Variants in AKR1A1 observed in about 807,000 individuals in gnomAD.
AKR1A1 encodes the protein HEL-S-165mP.
AKR1A1 carries 26 observed loss-of-function variants against 39.2 expected under a neutral mutation model. The ratio of observed to expected loss-of-function variants is 0.66; its 90% CI spans 0.49 to 0.92. AKR1A1 has a LOEUF of 0.92. AKR1A1 is among the 40% of genes least tolerant of loss of function. The pLI, the probability that AKR1A1 is intolerant of heterozygous loss-of-function variation, is 0.00. For missense variants in AKR1A1, 378 were observed against 406.5 expected, an observed-to-expected ratio of 0.93 and a Z score of 0.60; for synonymous variants, 141 against 155.5, an observed-to-expected ratio of 0.91 and a Z score of 0.69.
chr1:45,564,608 G>T (rs1035366598), intron 2 of AKR1A1, among the ~76,000 whole-genome samples: 1 of 151,252 alleles, frequency 6.6e-6, no homozygotes, highest in Non-Finnish European at 1.5e-5. Context: ...TCTTTTGCTG[G>T]CCTGTGCTCC....
chr1:45,568,178 GT>G lies in AKR1A1; in HGVS notation c.552+2del, dbSNP rs1264062551. The G allele has an allele frequency of 1.2e-6, 2 of 1,610,610 alleles. No homozygotes were observed. The highest frequency in any genetic ancestry group is 3.3e-4 in the Middle Eastern group (2 of 6,056). On this transcript the variant is annotated splice_donor_variant, in intron 5 of 8. Coordinates refer to ENST00000351829, the MANE Select transcript of AKR1A1 (RefSeq NM_153326.3). LOFTEE classifies it high-confidence loss of function. The stretch of plus-strand genomic sequence containing the variant: ...CTCCGTGCGTCCAGCTGTCTTGCAG[GT>G]AAGGACAGCAAGCAGATGAGTGGTT...
At chr1:45,569,750 G>A in intron 8 of AKR1A1, 141 bp from the exon 9 acceptor site, 1 of 700,294 alleles carries the variant, frequency 1.4e-6, no homozygotes, top group Admixed American at 2.2e-5. Context: ...GGTGTTCTCT[G>A]AGGATGGGGA....
At position 45,569,892 on chromosome 1, in the gene AKR1A1, T is replaced by A. The variant is rs1440508371; in HGVS notation, c.914T>A (p.Val305Glu). 6.2e-7 allele frequency: 1 copy of A among 1,613,294 alleles called. No individual in the cohort carries two copies. The highest frequency in any genetic ancestry group is 8.5e-7 in the Non-Finnish European group (1 of 1,179,384). Residue 305 changes from valine (V) to glutamate (E), a missense_variant and splice_region_variant, in exon 9 of 9, where the codon GTG (valine) becomes GAG (glutamate). Transcript: ENST00000351829. ...TAATCTATCTGTCTCTCTTTCCAGG[T>A]GGATGGGAAGAGAGTCCCAAGGGAT... ...NWRYIVPMLT[V>E]DGKRVPRDAG...
chr1:45,556,571 A>T (rs532728356), intron 1 of AKR1A1, among the ~76,000 whole-genome samples: 1 of 149,240 alleles, frequency 6.7e-6, no homozygotes, highest in African/African-American at 2.5e-5. Flanking sequence ...ACGGAGCAAG[A>T]CTCCGTCTTA....
rs761683770 is a variant in AKR1A1 at position 45,569,204 on chromosome 1, G to A, written c.887G>A (p.Trp296Ter). ...MKQLNALNKN[W>*]RYIVPMLTVD... ...CAGCTAAATGCCCTGAACAAAAATT[G>A]GAGATATATTGTGCCTATGCTTACG... The change falls in exon 8 of 9, where the codon TGG becomes TAG. Residue 296 changes from tryptophan (W) to a stop codon, truncating the protein, a stop_gained. Transcript: ENST00000351829. LOFTEE classifies it high-confidence loss of function. 3.1e-6 allele frequency: 5 copies of A among 1,613,984 alleles called. No homozygotes were observed. Among genetic ancestry groups the A allele is most frequent in the Admixed American group, 1.7e-5 (1 of 59,996 alleles).
At position 45,569,200 on chromosome 1, in the gene AKR1A1, A is replaced by G. The variant is rs776556687; in HGVS notation, c.883A>G (p.Asn295Asp). ...EMKQLNALNK[N>D]WRYIVPMLTV... ...GAAGCAGCTAAATGCCCTGAACAAA[A>G]ATTGGAGATATATTGTGCCTATGCT... Residue 295 changes from asparagine to aspartate, a missense_variant, in exon 8 of 9, where the codon AAT (asparagine) becomes GAT (aspartate). Coordinates refer to ENST00000351829, the MANE Select transcript of AKR1A1 (RefSeq NM_153326.3). 6.2e-7 allele frequency: 1 copy of G among 1,613,966 alleles called. No homozygotes were observed. The highest frequency in any genetic ancestry group is 1.3e-5 in the African/African-American group (1 of 74,904).
At chr1:45,563,079 A>T (rs369900540) in intron 2 of AKR1A1, among the ~76,000 whole-genome samples, 3 of 43,118 alleles carry the variant, frequency 7.0e-5, no homozygotes, top group Admixed American at 2.7e-4. Context: ...ACTGCACTCC[A>T]GCCTGGACAG....
intron 1 of AKR1A1, among the ~76,000 whole-genome samples, chr1:45,556,303 C>T (rs561768385): frequency 6.6e-6 from 1 of 152,262 alleles, no homozygotes; most frequent in East Asian, 1.9e-4. Context: ...AAGGTTTCCG[C>T]CGGGCGCGGC....
At position 45,569,457 on chromosome 1, in the gene AKR1A1, G is replaced by A. The variant is rs189142757; in HGVS notation, c.912+228G>A. Among the ~76,000 whole-genome samples the A allele has an allele frequency of 1.3e-4, 20 of 152,250 alleles. No individual in the cohort carries two copies. In the East Asian group the frequency reaches 3.5e-3, roughly 26 times the overall value. ...TCCCAGTCCTGCTTCTTGATATCTT[G>A]TAACCTAGAGCAAGTTATTAAACTT... On this transcript the variant is annotated intron_variant, in intron 8 of 8. Transcript: ENST00000351829.
intron 2 of AKR1A1, among the ~76,000 whole-genome samples, chr1:45,566,053 G>T (rs775354089): frequency 2.0e-5 from 3 of 152,102 alleles, no homozygotes; most frequent in Non-Finnish European, 2.9e-5. Context: ...AAAGGGTTTG[G>T]AGCCTCTGAA....
intron 1 of AKR1A1, among the ~76,000 whole-genome samples, chr1:45,561,551 G>A (rs909851426): frequency 3.3e-5 from 5 of 152,036 alleles, no homozygotes; most frequent in Non-Finnish European, 5.9e-5. Context: ...CTACAGGTGC[G>A]CGCCACCATG....
Position 45,568,589 on chromosome 1 carries a change from A to C in AKR1A1, c.657A>C (p.Ala219=), listed in dbSNP as rs1462845241. ...AYSPLGSSDR[A]WRDPDEPVLL... ...GCCCTTTGGGCTCCTCTGATCGTGC[A>C]TGGCGTGATCCTGATGAGCCTGTCC... Residue 219 remains alanine (A), a synonymous_variant, in exon 6 of 9, where the codon GCA becomes GCC. Coordinates refer to ENST00000351829, the MANE Select transcript of AKR1A1 (RefSeq NM_153326.3). The C allele has an allele frequency of 6.2e-7, 1 of 1,614,016 alleles. No individual in the cohort carries two copies. Among genetic ancestry groups the C allele is most frequent in the Non-Finnish European group, 8.5e-7 (1 of 1,179,982 alleles).
In AKR1A1 at chr1:45,569,228, C is replaced by T. The variant is rs150392728; in HGVS notation, c.911C>T (p.Thr304Met). Residue 304 changes from threonine to methionine, a missense_variant and splice_region_variant, in exon 8 of 9, where the codon ACG becomes ATG. By Grantham distance (81) the Thr-to-Met change is moderately conservative. Transcript: ENST00000351829. ...TGGAGATATATTGTGCCTATGCTTA[C>T]GGTGAGGATGTATCAGCCTCCTAGA... is the stretch of plus-strand genomic sequence containing the variant. ...KNWRYIVPML[T>M]VDGKRVPRDA... 9.2e-5 allele frequency: 149 copies of T among 1,612,756 alleles called. No homozygotes were observed. The East Asian group carries it at 1.6e-3, about 17-fold the overall frequency.
intron 2 of AKR1A1, among the ~76,000 whole-genome samples, chr1:45,562,083 C>A (rs1354327595): frequency 6.6e-6 from 1 of 152,100 alleles, no homozygotes; most frequent in East Asian, 1.9e-4. Context: ...GGAAGGACAT[C>A]TTTCTCTAAC....
chr1:45,569,881 C>G lies in AKR1A1; in HGVS notation c.913-10C>G, dbSNP rs139469824. 5,390 of 1,613,584 alleles carry G rather than the reference C, an allele frequency of 3.3e-3. 13 individuals carry two copies. Among genetic ancestry groups the G allele is most frequent in the Non-Finnish European group, 4.0e-3 (4,745 of 1,179,520 alleles). ...TGCTGATGGAGTAATCTATCTGTCTCTCTTTCCAGGTGGATGGGAAGAGAG... is the reference window on the plus strand; with the variant it reads ...TGCTGATGGAGTAATCTATCTGTCTGTCTTTCCAGGTGGATGGGAAGAGAG... On this transcript the variant is annotated splice_polypyrimidine_tract_variant and intron_variant, in intron 8 of 8. Coordinates refer to ENST00000351829, the MANE Select transcript of AKR1A1 (RefSeq NM_153326.3).
intron 2 of AKR1A1, 106 bp from the exon 3 acceptor site, chr1:45,566,463 G>A: frequency 6.6e-7 from 1 of 1,508,952 alleles, no homozygotes; most frequent in Non-Finnish European, 9.0e-7. Flanking sequence ...GCATAGATGT[G>A]CCTGTTATAT....
chr1:45,568,889 T>C (rs1644379860), intron 6 of AKR1A1, 38 bp from the exon 7 acceptor site: 1 of 1,603,616 alleles, frequency 6.2e-7, no homozygotes, highest in Non-Finnish European at 8.5e-7. Context: ...TTATGAATAC[T>C]GACCCCTTTT....
intron 1 of AKR1A1, among the ~76,000 whole-genome samples, chr1:45,557,063 G>A (rs1290513836): frequency 6.6e-6 from 1 of 151,666 alleles, no homozygotes; most frequent in Non-Finnish European, 1.5e-5. Flanking sequence ...GGTGGCACAT[G>A]CCTGTAATCC....
At chr1:45,552,350 A>T (rs567114477) in intron 1 of AKR1A1, 5 of 140,024 alleles carry the variant, frequency 3.6e-5, no homozygotes, top group African/African-American at 1.4e-4. Flanking sequence ...TCTTTAAAAT[A>T]AAAAAAAAAA....
Sources: gnomAD v4.1 joint callset for allele counts (sites outside exome capture counted in the v4.1 genomes callset) on GRCh38, gnomAD v4.1.1 for gene constraint, MANE v1.5 for transcripts, NCBI Gene and HGNC (gene_info 2026-07-23, HGNC 2026-07-21) for gene names.